The following CST9L variants were observed in gnomAD, a reference collection of about 807,000 sequenced individuals.
The protein encoded by CST9L is cystatin-9-like.
In CST9L, 17 loss-of-function variants were observed where a neutral mutation model predicts 13.2. That is an observed-to-expected ratio of 1.29 (90% CI 0.88 to 1.93). CST9L has a LOEUF of 1.93. Among genes scored for constraint, CST9L ranks in the 30% most tolerant of loss-of-function variants. CST9L has a pLI of 0.00. For synonymous variants in CST9L, 78 were observed against 69.1 expected (o/e 1.13, Z -0.64); for missense variants, 170 against 170.5 (o/e 1.00, Z 0.02).
Position 23,566,070 on chromosome 20 carries a change from TAC to T in CST9L, c.256_257del (p.Val86IlefsTer11). 3.1e-6 allele frequency: 5 copies of T among 1,602,284 alleles called. No homozygotes were observed. The highest frequency in any genetic ancestry group is 4.3e-6 in the Non-Finnish European group (5 of 1,169,140). On this transcript the variant is annotated frameshift_variant, in exon 2 of 3. Transcript: ENST00000376979. LOFTEE classifies it high-confidence loss of function. ...TCCCCAGCAGTAGCTCCATTGAGAA[TAC>T]AGTCTTGGACTCCACCTATTGCACA... Reference protein sequence around the residue: ...SWKEQVESKTVFSMELLLGRT... With the variant: ...SWKEQVESKTXFSMELLLGRT...
At chr20:23,566,493 CA>C (rs1338176299) in intron 1 of CST9L, among the ~76,000 whole-genome samples, 1 of 151,962 alleles carries the variant, frequency 6.6e-6, no homozygotes, top group African/African-American at 2.4e-5. Flanking sequence ...GGCATGTTGT[CA>C]AACCTTCCAC....
Position 23,565,955 on chromosome 20 carries a change from A to G in CST9L, c.354+19T>C. The G allele has an allele frequency of 4.6e-6, 6 of 1,303,344 alleles. No homozygotes were observed. The highest frequency in any genetic ancestry group is 1.4e-5 in the African/African-American group (1 of 69,420). 80.7% of individuals were successfully genotyped at this position (1,303,344 alleles called of 1,614,324 possible). On this transcript the variant is annotated intron_variant, in intron 2 of 2. Transcript: ENST00000376979. ...CATCCACAGCTGTATCCAGGAGGGAAGCTGGTGTCCTGTCTTACATTGTTC... is the reference window on the plus strand; with the variant it reads ...CATCCACAGCTGTATCCAGGAGGGAGGCTGGTGTCCTGTCTTACATTGTTC...
chr20:23,565,156 G>T, intron 2 of CST9L, 119 bp from the exon 3 acceptor site: 1 of 748,712 alleles, frequency 1.3e-6, no homozygotes, highest in Non-Finnish European at 2.4e-6. Context: ...GCAGTGGGAA[G>T]ACGGGGCCTC....
At position 23,565,011 on chromosome 20, in the gene CST9L, G is replaced by A; in HGVS notation, c.381C>T (p.Ser127=). 6.2e-7 allele frequency: 1 copy of A among 1,613,924 alleles called. No homozygotes were observed. Among genetic ancestry groups the A allele is most frequent in the Non-Finnish European group, 8.5e-7 (1 of 1,179,868 alleles). ...NNTFTCFFTI[S]TRPWMTQFSL... Reference sequence around the variant, plus strand: ...TGAACTGAGTCATCCAGGGCCTGGTGCTGATGGTGAAGAAGCAGGTGAAAG... The same window carrying A: ...TGAACTGAGTCATCCAGGGCCTGGTACTGATGGTGAAGAAGCAGGTGAAAG... Residue 127 remains serine, a synonymous_variant, in exon 3 of 3, where the codon AGC becomes AGT. Transcript: ENST00000376979.
Position 23,566,106 on chromosome 20 carries a change from T to C in CST9L, c.241-19A>G. 1.5e-6 allele frequency: 2 copies of C among 1,359,888 alleles called. No individual in the cohort carries two copies. Among genetic ancestry groups the C allele is most frequent in the Non-Finnish European group, 1.1e-6 (1 of 947,780 alleles). 84.2% of individuals were successfully genotyped at this position (1,359,888 alleles called of 1,614,324 possible). A position where few individuals can be genotyped will look rare whatever the true frequency, so the allele number is the denominator to read the frequency against. ...ACTCCACCTATTGCACACAGAGAGA[T>C]TAATGTGAACACACCCTCCTTGTTG... On this transcript the variant is annotated intron_variant, in intron 1 of 2. Transcript: ENST00000376979.
rs1355258700 is a variant in CST9L, at chr20:23,568,461, G to A, written c.-11C>T. 2 of 1,612,122 alleles carry A rather than the reference G, an allele frequency of 1.2e-6. No individual in the cohort carries two copies. The highest frequency in any genetic ancestry group is 1.3e-5 in the African/African-American group (1 of 74,898). On this transcript the variant is annotated 5_prime_UTR_variant, in exon 1 of 3. Transcript: ENST00000376979. ...CGGCAGGCCCAGCATGGTGCTGACT[G>A]TAGGCACCGCTGACTTTGCTCTTCC...
At chr20:23,568,075 C>T (rs1743885917) in intron 1 of CST9L, 136 bp downstream of exon 1, 10 of 803,410 alleles carry the variant, frequency 1.2e-5, no homozygotes, top group Non-Finnish European at 2.0e-5. Context: ...AACTAAACTA[C>T]CTTGTATTTT....
chr20:23,566,899 A>T (rs2122341124), intron 1 of CST9L, among the ~76,000 whole-genome samples: 1 of 152,290 alleles, frequency 6.6e-6, no homozygotes, highest in South Asian at 2.1e-4. Context: ...AAAGAAAGAA[A>T]GAAAGAAAGA....
At chr20:23,568,130 C>T in intron 1 of CST9L, 81 bp downstream of exon 1, 1 of 1,451,072 alleles carries the variant, frequency 6.9e-7, no homozygotes, top group Non-Finnish European at 9.6e-7. Flanking sequence ...TTCAATAAGA[C>T]CCCCTGTCCC....
chr20:23,567,278 G>A (rs925837394), intron 1 of CST9L, among the ~76,000 whole-genome samples: 6 of 152,094 alleles, frequency 3.9e-5, no homozygotes, highest in African/African-American at 1.4e-4. Context: ...GGGAGGCCGA[G>A]GTGGGCAGAT....
intron 2 of CST9L, 26 bp downstream of exon 2, chr20:23,565,948 G>A (rs762529073): frequency 1.6e-6 from 2 of 1,237,246 alleles, no homozygotes; most frequent in South Asian, 1.2e-5. Flanking sequence ...GCTGTATCCA[G>A]GAGGGAAGCT....
At chr20:23,567,843 AT>A (rs958907938) in intron 1 of CST9L, among the ~76,000 whole-genome samples, 3 of 151,534 alleles carry the variant, frequency 2.0e-5, no homozygotes, top group South Asian at 4.2e-4. Context: ...TTTTTATTAC[AT>A]TTTTTGGAAG....
chr20:23,567,333 C>A (rs1989112074), intron 1 of CST9L, among the ~76,000 whole-genome samples: 1 of 151,892 alleles, frequency 6.6e-6, no homozygotes, highest in African/African-American at 2.4e-5. Context: ...CATAGTGAAA[C>A]CCTGTCTCTA....
At chr20:23,566,933 G>A (rs564145550) in intron 1 of CST9L, among the ~76,000 whole-genome samples, 1 of 152,084 alleles carries the variant, frequency 6.6e-6, no homozygotes, top group African/African-American at 2.4e-5. Context: ...CTATTGCAAA[G>A]TGCACCTTGA....
At chr20:23,565,765 G>T (rs1989083681) in intron 2 of CST9L, among the ~76,000 whole-genome samples, 1 of 152,174 alleles carries the variant, frequency 6.6e-6, no homozygotes, top group African/African-American at 2.4e-5. Context: ...GGGCAGAGTT[G>T]ATAAACTCAG....
At position 23,568,317 on chromosome 20, in the gene CST9L, C is replaced by A. The variant is rs200398348; in HGVS notation, c.134G>T (p.Arg45Leu). ...RDCDEHNVMA[R>L]YLPATVEFAV... ...AAACTCCACTGTGGCAGGGAGGTAA[C>A]GAGCCATGACATTGTGTTCATCACA... is the stretch of plus-strand genomic sequence containing the variant. Residue 45 changes from arginine to leucine, a missense_variant, in exon 1 of 3, where the codon CGT becomes CTT. Transcript: ENST00000376979. The A allele has an allele frequency of 6.2e-7, 1 of 1,611,328 alleles. No individual in the cohort carries two copies. The highest frequency in any genetic ancestry group is 2.2e-5 in the East Asian group (1 of 44,526).
chr20:23,567,387 A>G (rs1475950155), intron 1 of CST9L, among the ~76,000 whole-genome samples: 1 of 151,772 alleles, frequency 6.6e-6, no homozygotes, highest in East Asian at 1.9e-4. Context: ...GGGTGCCTGT[A>G]ATCCCAGTTA....
In CST9L at chr20:23,568,173, T is replaced by C. The variant is rs374586618; in HGVS notation, c.240+38A>G. On this transcript the variant is annotated intron_variant, in intron 1 of 2. Transcript: ENST00000376979. ...CTCCCATTTTTCACTGAGCAGCACATGCCAGATGCCAGGGCAGGAGGGTAC... is the reference window on the plus strand; with the variant it reads ...CTCCCATTTTTCACTGAGCAGCACACGCCAGATGCCAGGGCAGGAGGGTAC... The C allele has an allele frequency of 6.8e-5, 110 of 1,613,036 alleles. No individual in the cohort carries two copies. The African/African-American group carries it at 1.3e-3, about 19-fold the overall frequency.
Position 23,568,308 on chromosome 20 carries a change from G to A in CST9L, c.143C>T (p.Pro48Leu), listed in dbSNP as rs747707920. ...DEHNVMARYL[P>L]ATVEFAVHTF... ...GTGGACAGCAAACTCCACTGTGGCAGGGAGGTAACGAGCCATGACATTGTG... is the reference window on the plus strand; with the variant it reads ...GTGGACAGCAAACTCCACTGTGGCAAGGAGGTAACGAGCCATGACATTGTG... The change falls in exon 1 of 3, where the codon CCT (proline) becomes CTT (leucine). Residue 48 changes from proline to leucine, a missense_variant. Physicochemically the swap from Pro to Leu is moderately conservative, Grantham distance 98 (BLOSUM62 -3). Transcript: ENST00000376979. 2.0e-5 allele frequency: 33 copies of A among 1,614,032 alleles called. No individual in the cohort carries two copies. Among genetic ancestry groups the A allele is most frequent in the Admixed American group, 8.3e-5 (5 of 59,994 alleles).
Sources: allele counts gnomAD v4.1 joint callset (sites outside exome capture counted in the v4.1 genomes callset), GRCh38; gene constraint gnomAD v4.1.1; transcripts MANE v1.5; gene names NCBI Gene and HGNC (gene_info 2026-07-23, HGNC 2026-07-21).